TULP4: variants seen among roughly 807,000 people sequenced by gnomAD.
The protein encoded by TULP4 is TUB like protein 4.
Under a neutral mutation model 129.0 loss-of-function variants are expected in TULP4, and 16 were observed. The observed-to-expected ratio is 0.12, with a 90% CI of 0.08 to 0.19. The LOEUF (loss-of-function observed/expected upper bound fraction) is 0.19, where lower values mean the gene tolerates loss of function less well. Among genes scored for constraint, TULP4 ranks in the 10% least tolerant of loss-of-function variants. The probability of loss-of-function intolerance (pLI) is 1.00; values close to 1 mark genes in which losing one functional copy is unlikely to be tolerated. For missense variants in TULP4, 1,842 were observed against 2,059.1 expected, an observed-to-expected ratio of 0.89 and a Z score of 2.04; for synonymous variants, 998 against 854.0, an observed-to-expected ratio of 1.17 and a Z score of -2.94.
chr6:158,356,567 G>A (rs1780652011), intron 1 of TULP4, among the ~76,000 whole-genome samples: 1 of 152,178 alleles, frequency 6.6e-6, no homozygotes, highest in Admixed American at 6.5e-5. Flanking sequence ...TGGCTATGCA[G>A]GGGGCCAGAA....
intron 5 of TULP4, among the ~76,000 whole-genome samples, chr6:158,453,485 C>CAAAAAAAAAAAAAAAAA (rs869146924): frequency 4.4e-4 from 8 of 17,980 alleles, no homozygotes; most frequent in African/African-American, 1.3e-3. Context: ...CTCTGTCTCA[C>CAAAAAAAAAAAAAAAAA]AAAAAAAAAA....
At chr6:158,338,995 T>A (rs1434878409) in intron 1 of TULP4, among the ~76,000 whole-genome samples, 1 of 152,174 alleles carries the variant, frequency 6.6e-6, no homozygotes, top group African/African-American at 2.4e-5. Flanking sequence ...AGACTGAGTC[T>A]TACACTTGGG....
intron 2 of TULP4, among the ~76,000 whole-genome samples, chr6:158,426,369 A>C (rs1778493629): frequency 6.6e-6 from 1 of 152,142 alleles, no homozygotes; most frequent in South Asian, 2.1e-4. Flanking sequence ...TTTACATTTA[A>C]GTCTTTAATC....
At chr6:158,236,312 T>G (rs1013278420) in intron 1 of TULP4, among the ~76,000 whole-genome samples, 1 of 152,102 alleles carries the variant, frequency 6.6e-6, no homozygotes, top group Admixed American at 6.6e-5. Context: ...AAAAGACAAA[T>G]GACAAACTGG....
intron 1 of TULP4, among the ~76,000 whole-genome samples, chr6:158,315,546 C>T (rs1030810366): frequency 1.2e-4 from 18 of 152,276 alleles, no homozygotes; most frequent in African/African-American, 4.1e-4. Context: ...CCCATGTAAG[C>T]GCCAACAATA....
intron 1 of TULP4, among the ~76,000 whole-genome samples, chr6:158,362,817 C>CT (rs1780826457): frequency 7.6e-6 from 1 of 131,220 alleles, no homozygotes. Flanking sequence ...GGCTCACGCC[C>CT]TTAATCCCAG....
chr6:158,496,432 C>T (rs1022686528), intron 11 of TULP4, among the ~76,000 whole-genome samples: 7 of 152,158 alleles, frequency 4.6e-5, no homozygotes, highest in African/African-American at 1.7e-4. Context: ...TTGAGTTTTT[C>T]ATTTTGAAGT....
intron 7 of TULP4, 87 bp downstream of exon 7, chr6:158,480,062 G>C: frequency 9.1e-7 from 1 of 1,093,098 alleles, no homozygotes; most frequent in Non-Finnish European, 1.3e-6. Context: ...GAGGGTACCA[G>C]AGTGAGCACA....
At position 158,494,662 on chromosome 6, in the gene TULP4, A is replaced by C. The variant is rs1267669974; in HGVS notation, c.1777-91A>C. 4 of 1,197,042 alleles carry C rather than the reference A, an allele frequency of 3.3e-6. No individual in the cohort carries two copies. The East Asian group carries it at 9.8e-5, about 29-fold the overall frequency. 74.2% of individuals were successfully genotyped at this position (1,197,042 alleles called of 1,614,324 possible). On this transcript the variant is annotated intron_variant, in intron 10 of 13. Coordinates refer to ENST00000367097, the MANE Select transcript of TULP4 (RefSeq NM_020245.5). ...TTCTTGCAGTGCACACTCGTGGCTT[A>C]AGTAATAAATATTAACATTCTTACT...
rs149006452 is a variant in TULP4, at chr6:158,338,715, T to C, written c.252+24447T>C. On this transcript the variant is annotated intron_variant, in intron 1 of 13. Transcript: ENST00000367097. ...GGTAAACTTGGCCCAGGGACCTAAA[T>C]TACTACTTTGGGGTAGAGCCAGGAC... 4.6e-5 allele frequency among the ~76,000 whole-genome samples: 7 copies of C among 152,346 alleles called. No homozygotes were observed. The South Asian group carries it at 6.2e-4, about 14-fold the overall frequency.
chr6:158,422,509 G>C lies in TULP4; in HGVS notation c.382-7227G>C, dbSNP rs185802068. On this transcript the variant is annotated intron_variant, in intron 2 of 13. Transcript: ENST00000367097. ...GGCTCCAGTGAGTGGAGGAACACCA[G>C]GGTTCTTAATTCTCAGGCCAGTTTA... is the stretch of plus-strand genomic sequence containing the variant. 6.6e-5 allele frequency among the ~76,000 whole-genome samples: 10 copies of C among 152,264 alleles called. No homozygotes were observed. The East Asian group carries it at 1.9e-3, about 29-fold the overall frequency.
intron 1 of TULP4, among the ~76,000 whole-genome samples, chr6:158,372,129 T>TG (rs1562539453): frequency 2.0e-4 from 15 of 75,234 alleles, no homozygotes; most frequent in Non-Finnish European, 3.9e-4. Context: ...TCTAGTTTTT[T>TG]TTTTTTTTTT....
At chr6:158,366,877 A>C (rs1776923479) in intron 1 of TULP4, among the ~76,000 whole-genome samples, 1 of 152,236 alleles carries the variant, frequency 6.6e-6, no homozygotes, top group Admixed American at 6.5e-5. Context: ...TGCCGTATAC[A>C]CAGCAAGAGA....
chr6:158,367,142 T>C (rs888851023), intron 1 of TULP4, among the ~76,000 whole-genome samples: 24 of 152,210 alleles, frequency 1.6e-4, no homozygotes, highest in Non-Finnish European at 3.4e-4. Context: ...GTCACCTCTT[T>C]TCTTTCTCAG....
intron 5 of TULP4, among the ~76,000 whole-genome samples, chr6:158,460,455 GA>G (rs11385105): frequency 6.7e-6 from 1 of 149,986 alleles, no homozygotes; most frequent in South Asian, 2.1e-4. Context: ...TCTTGAAGGA[GA>G]AAAAAAAAAT....
intron 3 of TULP4, among the ~76,000 whole-genome samples, chr6:158,440,014 A>C (rs1242758559): frequency 1.3e-5 from 2 of 151,024 alleles, no homozygotes; most frequent in African/African-American, 2.4e-5. Context: ...TCCGGCCTAG[A>C]GTGTTTCTTT....
chr6:158,447,607 T>C (rs888884041), intron 3 of TULP4, among the ~76,000 whole-genome samples: 1 of 152,238 alleles, frequency 6.6e-6, no homozygotes, highest in Non-Finnish European at 1.5e-5. Context: ...AAATATTTAC[T>C]GAGTGCCTGC....
Position 158,503,614 on chromosome 6 carries a change from A to G in TULP4, c.3951A>G (p.Glu1317=), listed in dbSNP as rs1387842277. The change falls in exon 13 of 14, where the codon GAA becomes GAG. Residue 1317 remains glutamate, a synonymous_variant. Transcript: ENST00000367097. This position sits in a 1 kb window ranked among gnomAD's most constrained non-coding sequence, Gnocchi z 4.3. The stretch of plus-strand genomic sequence containing the variant: ...TAGAGACTGCAGACAACTTCCAGGA[A>G]GTCCTCTCCCTGACCGAAAGCCCAG... ...VMVETADNFQ[E]VLSLTESPVP... The G allele has an allele frequency of 6.2e-7, 1 of 1,614,100 alleles. No homozygotes were observed.
At chr6:158,446,565 T>C (rs563275721) in intron 3 of TULP4, among the ~76,000 whole-genome samples, 1 of 152,298 alleles carries the variant, frequency 6.6e-6, no homozygotes, top group Non-Finnish European at 1.5e-5. Flanking sequence ...CTTTTGCAAA[T>C]ACTCCTGTGT....
Sources: allele counts gnomAD v4.1 joint callset (sites outside exome capture counted in the v4.1 genomes callset), GRCh38; gene constraint gnomAD v4.1.1; non-coding constraint Gnocchi (gnomAD v3.1); transcripts MANE v1.5; gene names NCBI Gene and HGNC (gene_info 2026-07-23, HGNC 2026-07-21).